The following FAM133B variants were observed in gnomAD, a reference collection of about 807,000 sequenced individuals.
FAM133B encodes the protein family with sequence similarity 133 member B.
Under a neutral mutation model 46.4 loss-of-function variants are expected in FAM133B, and 25 were observed. The ratio of observed to expected loss-of-function variants is 0.54; its 90% CI spans 0.39 to 0.75. The LOEUF (loss-of-function observed/expected upper bound fraction) is 0.75, where lower values mean the gene tolerates loss of function less well. FAM133B is among the 30% of genes least tolerant of loss of function. FAM133B has a pLI of 0.00. For missense variants in FAM133B, 205 were observed against 277.6 expected, an observed-to-expected ratio of 0.74 and a Z score of 1.86; for synonymous variants, 75 against 86.0, an observed-to-expected ratio of 0.87 and a Z score of 0.71.
chr7:92,587,788 A>G (rs1360896052), intron 1 of FAM133B, among the ~76,000 whole-genome samples: 1 of 152,170 alleles, frequency 6.6e-6, no homozygotes, highest in African/African-American at 2.4e-5. Flanking sequence ...GAACACTAAG[A>G]GTGAGCACTA....
intron 9 of FAM133B, among the ~76,000 whole-genome samples, chr7:92,567,121 A>C (rs1227078377): frequency 2.0e-5 from 3 of 152,060 alleles, no homozygotes; most frequent in Non-Finnish European, 4.4e-5. Context: ...GGAAGGGTGA[A>C]GTGGAAAATC....
intron 2 of FAM133B, 142 bp from the exon 3 acceptor site, chr7:92,579,537 G>A: frequency 1.6e-6 from 1 of 612,200 alleles, no homozygotes; most frequent in Non-Finnish European, 2.8e-6. Context: ...CAATTTCTTT[G>A]TTCACGTTTA....
intron 9 of FAM133B, among the ~76,000 whole-genome samples, chr7:92,569,355 A>G (rs966301226): frequency 6.6e-6 from 1 of 152,040 alleles, no homozygotes; most frequent in East Asian, 1.9e-4. Context: ...AGTTCTCACA[A>G]CGAAGTAATA....
intron 8 of FAM133B, among the ~76,000 whole-genome samples, chr7:92,575,464 C>T (rs1397910823): frequency 6.6e-6 from 1 of 152,104 alleles, no homozygotes; most frequent in African/African-American, 2.4e-5. Context: ...CAAAGCGAGA[C>T]TCCATCTCAA....
chr7:92,565,745 G>A, intron 10 of FAM133B: 2 of 401,838 alleles, frequency 5.0e-6, no homozygotes, highest in Admixed American at 3.7e-5. Context: ...TTACAGGCGT[G>A]AGACACAGCG....
intron 3 of FAM133B, among the ~76,000 whole-genome samples, chr7:92,578,802 T>A (rs1794777725): frequency 6.6e-6 from 1 of 152,036 alleles, no homozygotes; most frequent in African/African-American, 2.4e-5. Flanking sequence ...TCACAGTACT[T>A]TGGGAGGCTA....
At chr7:92,580,636 T>C (rs1249096327) in intron 2 of FAM133B, among the ~76,000 whole-genome samples, 1 of 152,234 alleles carries the variant, frequency 6.6e-6, no homozygotes, top group Non-Finnish European at 1.5e-5. Context: ...TGATTGTGCT[T>C]GGTAGCCCTT....
intron 3 of FAM133B, 39 bp from the exon 4 acceptor site, chr7:92,578,432 C>G: frequency 6.4e-7 from 1 of 1,554,390 alleles, no homozygotes; most frequent in Non-Finnish European, 8.8e-7. Context: ...GACTATCTAA[C>G]CTTTCCAATA....
chr7:92,576,264 G>C (rs1362143567), intron 7 of FAM133B, among the ~76,000 whole-genome samples: 1 of 152,156 alleles, frequency 6.6e-6, no homozygotes, highest in African/African-American at 2.4e-5. Flanking sequence ...ATTACTTCCT[G>C]AAGTTGTTGA....
chr7:92,575,680 A>C (rs1197751282), intron 8 of FAM133B, 91 bp downstream of exon 8: 1 of 575,284 alleles, frequency 1.7e-6, no homozygotes, highest in Non-Finnish European at 2.9e-6. Flanking sequence ...AAATAAATAT[A>C]TCTCTTAAAA....
At chr7:92,582,013 T>C (rs930726033) in intron 1 of FAM133B, among the ~76,000 whole-genome samples, 9 of 152,078 alleles carry the variant, frequency 5.9e-5, no homozygotes, top group African/African-American at 2.2e-4. Flanking sequence ...CTTTGGGAGG[T>C]TGAGGCAGGT....
chr7:92,570,908 C>G (rs1213697302), intron 8 of FAM133B, among the ~76,000 whole-genome samples: 7 of 152,160 alleles, frequency 4.6e-5, no homozygotes, highest in Non-Finnish European at 1.5e-5. Flanking sequence ...TTGGAAACAT[C>G]TTTCTAAGTG....
chr7:92,571,198 C>G (rs1299580097), intron 8 of FAM133B, among the ~76,000 whole-genome samples: 1 of 152,152 alleles, frequency 6.6e-6, no homozygotes, highest in African/African-American at 2.4e-5. Flanking sequence ...ATCTTTTTCT[C>G]CCACCATGTC....
At chr7:92,574,083 C>T (rs1794619637) in intron 8 of FAM133B, among the ~76,000 whole-genome samples, 1 of 152,014 alleles carries the variant, frequency 6.6e-6, no homozygotes, top group African/African-American at 2.4e-5. Context: ...TAGGCATATA[C>T]CCAAGAGAAA....
intron 1 of FAM133B, among the ~76,000 whole-genome samples, chr7:92,586,719 T>C (rs1011954353): frequency 2.0e-5 from 3 of 152,194 alleles, no homozygotes; most frequent in African/African-American, 7.2e-5. Context: ...AAAAGAGCAA[T>C]GCAGTAAAAC....
Position 92,578,175 on chromosome 7 carries a change from T to A in FAM133B, c.284A>T (p.Lys95Ile), listed in dbSNP as rs1562894870. 1 of 1,610,942 alleles carries A rather than the reference T, an allele frequency of 6.2e-7. No homozygotes were observed. Among genetic ancestry groups the A allele is most frequent in the Non-Finnish European group, 8.5e-7 (1 of 1,178,992 alleles). The change falls in exon 5 of 11, where the codon AAA becomes ATA. Residue 95 changes from lysine (K) to isoleucine (I), a missense_variant. Lys to Ile is a moderately radical substitution (Grantham distance 102). Transcript: ENST00000445716. ...CCTACCAGATTTCTTCTTTTCTTTTTTCTTTCTCTAAATGGAAACAAAAGT... is the reference window on the plus strand; with the variant it reads ...CCTACCAGATTTCTTCTTTTCTTTTATCTTTCTCTAAATGGAAACAAAAGT... ...ESSSKKRQRK[K>I]KEKKKSGRYS... is the part of the protein sequence containing the mutation.
At chr7:92,572,978 C>G (rs1318745329) in intron 8 of FAM133B, among the ~76,000 whole-genome samples, 2 of 151,412 alleles carry the variant, frequency 1.3e-5, no homozygotes, top group African/African-American at 4.9e-5. Context: ...ACAATGTTAC[C>G]ATTTTGATAA....
chr7:92,587,608 C>A (rs1554391141), intron 1 of FAM133B, among the ~76,000 whole-genome samples: 1 of 152,082 alleles, frequency 6.6e-6, no homozygotes, highest in Non-Finnish European at 1.5e-5. Flanking sequence ...GTTCCACACA[C>A]CTGTGGTCCC....
chr7:92,590,156 C>T (rs4141274), intron 1 of FAM133B, 112 bp downstream of exon 1: 11 of 1,548,234 alleles, frequency 7.1e-6, no homozygotes, highest in Admixed American at 3.5e-5. Flanking sequence ...CTCCAGGCCC[C>T]ACGTCTGAGG....
Sources: gnomAD v4.1 joint callset for allele counts (sites outside exome capture counted in the v4.1 genomes callset) on GRCh38, gnomAD v4.1.1 for gene constraint, MANE v1.5 for transcripts, NCBI Gene and HGNC (gene_info 2026-07-23, HGNC 2026-07-21) for gene names.